The following SAMMSON variants were observed in gnomAD, a reference collection of about 807,000 sequenced individuals.
SAMMSON encodes survival associated mitochondrial melanoma specific oncogenic non-coding RNA, also known as long intergenic non-protein coding RNA 1212.
At chr3:70,349,180 C>T (rs954747106) in intron 7 of SAMMSON, among the ~76,000 whole-genome samples, 1 of 152,036 alleles carries the variant, frequency 6.6e-6, no homozygotes, top group Admixed American at 6.5e-5. Flanking sequence ...TTGAGACCAG[C>T]CTGGCCAACA....
At chr3:70,314,171 C>G (rs1259546966) in intron 7 of SAMMSON, among the ~76,000 whole-genome samples, 1 of 152,100 alleles carries the variant, frequency 6.6e-6, no homozygotes, top group Non-Finnish European at 1.5e-5. Flanking sequence ...CTATAACCTC[C>G]TCCTCCCCCC....
chr3:70,287,819 C>T (rs1283124098), intron 6 of SAMMSON, among the ~76,000 whole-genome samples: 3 of 151,092 alleles, frequency 2.0e-5, no homozygotes, highest in African/African-American at 7.3e-5. Context: ...TTATCCATTT[C>T]TTCTAGATTT....
rs1232069456 is a variant in SAMMSON at position 70,400,514 on chromosome 3, A to C, written n.233+42190A>C. On this transcript the variant is annotated intron_variant and non_coding_transcript_variant, in intron 2 of 3. Transcript: ENST00000641053. ...GCAGTGTAAGGCTCTCACCAGACGC[A>C]GCTGCCCAATTGTGAACCATCCAGA... is the stretch of plus-strand genomic sequence containing the variant. 2.6e-5 allele frequency among the ~76,000 whole-genome samples: 4 copies of C among 152,204 alleles called. No individual in the cohort carries two copies. The East Asian group carries it at 5.8e-4, about 22-fold the overall frequency.
chr3:70,185,973 T>C (rs1447157050), intron 4 of SAMMSON, among the ~76,000 whole-genome samples: 1 of 152,052 alleles, frequency 6.6e-6, no homozygotes, highest in Non-Finnish European at 1.5e-5. Flanking sequence ...TGAGACCTTG[T>C]CTCAAAAAAA....
intron 4 of SAMMSON, among the ~76,000 whole-genome samples, chr3:70,248,700 G>A (rs1309255761): frequency 6.6e-6 from 1 of 152,024 alleles, no homozygotes; most frequent in African/African-American, 2.4e-5. Flanking sequence ...CATTGGAAAT[G>A]GACAGAATAA....
chr3:70,357,088 A>ATTACCTGCTC (rs1702835694), intron 8 of SAMMSON, among the ~76,000 whole-genome samples: 1 of 152,128 alleles, frequency 6.6e-6, no homozygotes. Context: ...TGGTGGTGCT[A>ATTACCTGCTC]TTACAAACTT....
chr3:70,118,533 C>T (rs374446684), intron 4 of SAMMSON, among the ~76,000 whole-genome samples: 2 of 152,078 alleles, frequency 1.3e-5, no homozygotes, highest in Non-Finnish European at 2.9e-5. Context: ...AATCTGAATA[C>T]TGAATTATAT....
intron 9 of SAMMSON, among the ~76,000 whole-genome samples, chr3:70,361,705 T>C (rs1158937222): frequency 6.6e-6 from 1 of 152,240 alleles, no homozygotes; most frequent in African/African-American, 2.4e-5. Flanking sequence ...TTTATCCATG[T>C]ATTTTTAGCG....
chr3:70,109,364 G>C (rs1241064254), intron 4 of SAMMSON, among the ~76,000 whole-genome samples: 1 of 152,008 alleles, frequency 6.6e-6, no homozygotes, highest in Non-Finnish European at 1.5e-5. Flanking sequence ...CCAATTGTGT[G>C]GAGCCCACTT....
chr3:70,164,095 T>C (rs993749009), intron 4 of SAMMSON, among the ~76,000 whole-genome samples: 1 of 152,100 alleles, frequency 6.6e-6, no homozygotes, highest in African/African-American at 2.4e-5. Flanking sequence ...CTGATGGATT[T>C]AGGTTCATAA....
At chr3:70,357,914 G>T (rs866567721) in intron 8 of SAMMSON, among the ~76,000 whole-genome samples, 5 of 152,014 alleles carry the variant, frequency 3.3e-5, no homozygotes, top group Middle Eastern at 3.2e-3. Flanking sequence ...AAAGGATGAT[G>T]AAGTGCTTTA....
intron 2 of SAMMSON, among the ~76,000 whole-genome samples, chr3:70,417,947 C>A (rs776769783): frequency 1.3e-5 from 2 of 152,140 alleles, no homozygotes; most frequent in Non-Finnish European, 2.9e-5. Context: ...AAGAAATAGA[C>A]GCTTTGCTAG....
intron 4 of SAMMSON, among the ~76,000 whole-genome samples, chr3:70,200,822 C>T (rs976106565): frequency 3.9e-5 from 6 of 152,088 alleles, no homozygotes; most frequent in African/African-American, 1.4e-4. Flanking sequence ...TCTGACTGTC[C>T]TAAATCCTAC....
At chr3:70,247,801 AAC>A (rs1421003480) in intron 4 of SAMMSON, among the ~76,000 whole-genome samples, 4 of 152,014 alleles carry the variant, frequency 2.6e-5, no homozygotes, top group Middle Eastern at 3.2e-3. Context: ...CAAGGTTTCA[AAC>A]ACACAAAATA....
At chr3:70,361,378 T>G (rs1702869687) in intron 9 of SAMMSON, among the ~76,000 whole-genome samples, 1 of 152,196 alleles carries the variant, frequency 6.6e-6, no homozygotes, top group African/African-American at 2.4e-5. Flanking sequence ...GACATACTAC[T>G]GAACCACTAT....
chr3:70,365,278 A>G (rs1182086457), intron 9 of SAMMSON, among the ~76,000 whole-genome samples: 1 of 151,282 alleles, frequency 6.6e-6, no homozygotes, highest in Non-Finnish European at 1.5e-5. Context: ...ATATCTGGGT[A>G]CTAGTATTTC....
chr3:70,314,886 T>A (rs1031769509), intron 7 of SAMMSON, among the ~76,000 whole-genome samples: 1 of 152,112 alleles, frequency 6.6e-6, no homozygotes, highest in Non-Finnish European at 1.5e-5. Flanking sequence ...CTGTGTTCAT[T>A]TTTATATACT....
intron 4 of SAMMSON, among the ~76,000 whole-genome samples, chr3:70,082,099 A>T (rs1221494866): frequency 6.6e-6 from 1 of 152,136 alleles, no homozygotes; most frequent in African/African-American, 2.4e-5. Context: ...GATGTTGAAG[A>T]TATCAGTCAA....
intron 2 of SAMMSON, among the ~76,000 whole-genome samples, chr3:70,409,198 A>G (rs1701199351): frequency 6.6e-6 from 1 of 152,190 alleles, no homozygotes; most frequent in Non-Finnish European, 1.5e-5. Context: ...GAAATTTGCC[A>G]TGGGACTGTA....
Sources: gnomAD v4.1 joint callset for allele counts (sites outside exome capture counted in the v4.1 genomes callset) on GRCh38, gnomAD v4.1.1 for gene constraint, MANE v1.5 for transcripts, NCBI Gene and HGNC (gene_info 2026-07-23, HGNC 2026-07-21) for gene names.